CDK13: variants seen among roughly 807,000 people sequenced by gnomAD.
The protein encoded by CDK13 is cyclin-dependent kinase 13.
CDK13 carries 40 observed loss-of-function variants against 137.6 expected under a neutral mutation model. The observed-to-expected ratio is 0.29, with a 90% confidence interval of 0.23 to 0.38. The LOEUF (loss-of-function observed/expected upper bound fraction) is 0.38. Ranked by LOEUF, CDK13 falls within the 10% of genes least tolerant of loss-of-function variation. The pLI is 1.00. For synonymous variants in CDK13, 869 were observed against 760.1 expected (o/e 1.14, Z -2.36); for missense variants, 1,704 against 1,951.8 (o/e 0.87, Z 2.39).
At chr7:40,021,047 C>T (rs568920054) in intron 5 of CDK13, among the ~76,000 whole-genome samples, 6 of 149,388 alleles carry the variant, frequency 4.0e-5, no homozygotes, top group South Asian at 4.3e-4. Context: ...GCTGAGATTG[C>T]GCCACTGCAC....
intron 9 of CDK13, chr7:40,071,392 A>G (rs1272981251): frequency 6.6e-6 from 1 of 152,232 alleles, no homozygotes; most frequent in Non-Finnish European, 1.5e-5. Context: ...TTTAATAGAC[A>G]TGACACTTGG....
intron 1 of CDK13, chr7:39,984,620 T>C (rs1784299054): frequency 6.6e-6 from 1 of 152,164 alleles, no homozygotes; most frequent in South Asian, 2.1e-4. Flanking sequence ...CATTTATCCT[T>C]TGTGTTACAG....
At chr7:39,952,657 C>G (rs920469954) in intron 1 of CDK13, 2 of 152,092 alleles carry the variant, frequency 1.3e-5, no homozygotes, top group Non-Finnish European at 2.9e-5. Context: ...CTATTATAAG[C>G]CTGTAACTGC....
chr7:40,065,251 T>G (rs1296812485), intron 9 of CDK13, among the ~76,000 whole-genome samples: 1 of 151,902 alleles, frequency 6.6e-6, no homozygotes, highest in Non-Finnish European at 1.5e-5. Context: ...TTCTCTAAAA[T>G]AGAATAAAAC....
intron 7 of CDK13, among the ~76,000 whole-genome samples, chr7:40,051,604 C>G (rs1442553219): frequency 1.3e-5 from 2 of 152,088 alleles, no homozygotes; most frequent in Non-Finnish European, 2.9e-5. Flanking sequence ...CTGAATTGTT[C>G]AAGAATTTTG....
intron 9 of CDK13, among the ~76,000 whole-genome samples, chr7:40,068,847 C>A (rs1024101774): frequency 6.6e-6 from 1 of 151,216 alleles, no homozygotes; most frequent in Admixed American, 6.6e-5. Context: ...TTAATCTGAA[C>A]ATGGACTTTC....
rs2150548338 is a variant in CDK13 at position 40,094,272 on chromosome 7, T to C, written c.3831T>C (p.Tyr1277=). Residue 1277 remains tyrosine, a synonymous_variant, in exon 14 of 14, where the codon TAT becomes TAC. Transcript: ENST00000181839. ...CAGTCACTGAGGAAGATCTAGATTA[T>C]CGGACAGAAAACCAGCATGTACCCA... ...PPPVTEEDLD[Y]RTENQHVPTT... 1 of 1,612,640 alleles carries C rather than the reference T, an allele frequency of 6.2e-7. No homozygotes were observed. The highest frequency in any genetic ancestry group is 8.5e-7 in the Non-Finnish European group (1 of 1,179,460).
intron 7 of CDK13, chr7:40,061,734 C>G (rs1296533507): frequency 6.6e-6 from 1 of 152,226 alleles, no homozygotes; most frequent in African/African-American, 2.4e-5. Flanking sequence ...AGAACCTCCT[C>G]TGACTACTTA....
chr7:39,979,840 CGT>C (rs1784187429), intron 1 of CDK13, among the ~76,000 whole-genome samples: 1 of 151,974 alleles, frequency 6.6e-6, no homozygotes, highest in Non-Finnish European at 1.5e-5. Flanking sequence ...AGAGAACTCA[CGT>C]GATGACAGGA....
intron 12 of CDK13, among the ~76,000 whole-genome samples, chr7:40,090,700 C>T (rs1786901965): frequency 6.6e-6 from 1 of 151,506 alleles, no homozygotes; most frequent in Non-Finnish European, 1.5e-5. Context: ...GCCTAGGTAA[C>T]ATGGCAAAAC....
intron 1 of CDK13, among the ~76,000 whole-genome samples, chr7:39,955,883 C>G (rs1453615734): frequency 6.6e-6 from 1 of 151,778 alleles, no homozygotes; most frequent in Non-Finnish European, 1.5e-5. Context: ...GTGTTTTGTT[C>G]TTTCTCTAAA....
intron 5 of CDK13, among the ~76,000 whole-genome samples, chr7:40,031,412 C>G (rs1263477173): frequency 6.6e-6 from 1 of 152,054 alleles, no homozygotes; most frequent in African/African-American, 2.4e-5. Context: ...GACCCCGCTA[C>G]TTGGGAGGCT....
chr7:40,098,539 T>C lies in CDK13; in HGVS notation c.*3559T>C, dbSNP rs1400167852. 1 of 151,828 alleles carries C rather than the reference T, an allele frequency of 6.6e-6. No homozygotes were observed. The highest frequency in any genetic ancestry group is 1.5e-5 in the Non-Finnish European group (1 of 67,952). 9.4% of individuals were successfully genotyped at this position (151,828 alleles called of 1,614,324 possible). A position where few individuals can be genotyped will look rare whatever the true frequency, so the allele number is the denominator to read the frequency against. Reference sequence around the variant, plus strand: ...ATATCCTTTCAATTTTTTTTTTTTTTTTGGCCCAGTCTGCCTTTTGATGTT... The same window carrying C: ...ATATCCTTTCAATTTTTTTTTTTTTCTTGGCCCAGTCTGCCTTTTGATGTT... On this transcript the variant is annotated 3_prime_UTR_variant, in exon 14 of 14. Transcript: ENST00000181839.
chr7:39,961,071 C>T (rs1319462186), intron 1 of CDK13, among the ~76,000 whole-genome samples: 3 of 151,748 alleles, frequency 2.0e-5, no homozygotes, highest in Admixed American at 2.0e-4. Flanking sequence ...TTTAACTCTA[C>T]TCTTTGGCTG....
rs763085643 is a variant in CDK13, at chr7:40,047,869, A to C, written c.2592A>C (p.Ser864=). 6.2e-7 allele frequency: 1 copy of C among 1,606,084 alleles called. No homozygotes were observed. The highest frequency in any genetic ancestry group is 8.5e-7 in the Non-Finnish European group (1 of 1,173,142). Reference sequence around the variant, plus strand: ...TTGGACTTGCTCGATTGTATAGCTCAGAAGAAAGGTAAGCATACCTTCAAA... The same window carrying C: ...TTGGACTTGCTCGATTGTATAGCTCCGAAGAAAGGTAAGCATACCTTCAAA... ...ADFGLARLYS[S]EESRPYTNKV... is the part of the protein sequence containing the mutation. The change falls in exon 7 of 14, where the codon TCA becomes TCC. Residue 864 remains serine, a synonymous_variant. Coordinates refer to ENST00000181839, the MANE Select transcript of CDK13 (RefSeq NM_003718.5).
chr7:40,040,464 C>T (rs1007948151), intron 5 of CDK13, among the ~76,000 whole-genome samples: 4 of 152,106 alleles, frequency 2.6e-5, no homozygotes, highest in African/African-American at 9.7e-5. Flanking sequence ...TGTACACATA[C>T]CCCCTTTCTC....
intron 1 of CDK13, among the ~76,000 whole-genome samples, chr7:39,983,262 T>C (rs919180480): frequency 5.3e-5 from 8 of 152,158 alleles, no homozygotes; most frequent in Non-Finnish European, 1.2e-4. Context: ...CCCAGCACCA[T>C]TTATTAAATA....
intron 12 of CDK13, among the ~76,000 whole-genome samples, chr7:40,089,536 CAA>C (rs1189979448): frequency 1.3e-5 from 2 of 151,704 alleles, no homozygotes; most frequent in Admixed American, 6.6e-5. Context: ...CTTTTTGATG[CAA>C]AGTCTGCCTC....
chr7:40,078,142 C>T, intron 10 of CDK13, 21 bp downstream of exon 10: 1 of 1,127,256 alleles, frequency 8.9e-7, no homozygotes. Flanking sequence ...GATGTGTAAA[C>T]ATCCTTATTG....
Sources: gnomAD v4.1 joint callset for allele counts (sites outside exome capture counted in the v4.1 genomes callset) on GRCh38, gnomAD v4.1.1 for gene constraint, MANE v1.5 for transcripts, NCBI Gene and HGNC (gene_info 2026-07-23, HGNC 2026-07-21) for gene names.